Variants in NSUN6 observed in about 807,000 individuals in gnomAD.
The protein encoded by NSUN6 is NOP2/Sun RNA methyltransferase 6.
NSUN6 carries 64 observed loss-of-function variants against 58.0 expected under a neutral mutation model. That is an observed-to-expected ratio of 1.10 (90% confidence interval 0.90 to 1.36). The LOEUF is 1.36. Among genes scored for constraint, NSUN6 ranks in the 40% most tolerant of loss-of-function variants. The pLI is 0.00. For missense variants in NSUN6, 701 were observed against 550.1 expected (o/e 1.27, Z -2.74); for synonymous variants, 231 against 193.9 (o/e 1.19, Z -1.59).
intron 3 of NSUN6, among the ~76,000 whole-genome samples, chr10:18,626,972 C>T (rs942040250): frequency 6.6e-6 from 1 of 152,118 alleles, no homozygotes; most frequent in Non-Finnish European, 1.5e-5. Flanking sequence ...TACAGAAATT[C>T]CTTAAAATTA....
intron 8 of NSUN6, among the ~76,000 whole-genome samples, chr10:18,559,651 T>C (rs1351522295): frequency 6.8e-6 from 1 of 146,208 alleles, no homozygotes; most frequent in Non-Finnish European, 1.5e-5. Flanking sequence ...ATTAAGAATC[T>C]TACGGAGACG....
intron 1 of NSUN6, 120 bp downstream of exon 1, chr10:18,651,009 A>T: frequency 8.8e-7 from 1 of 1,136,160 alleles, no homozygotes. Context: ...TACACTTGAT[A>T]GACAAGTAGT....
intron 7 of NSUN6, among the ~76,000 whole-genome samples, chr10:18,591,686 C>T (rs1469170996): frequency 6.6e-6 from 1 of 152,174 alleles, no homozygotes; most frequent in Non-Finnish European, 1.5e-5. Flanking sequence ...ATGTTAAAAA[C>T]TCTCAATAAA....
At chr10:18,600,941 A>AAAAAATATAT (rs1487679670) in intron 6 of NSUN6, among the ~76,000 whole-genome samples, 1 of 43,530 alleles carries the variant, frequency 2.3e-5, no homozygotes, top group African/African-American at 8.0e-5. Context: ...AAAAAAAAAA[A>AAAAAATATAT]ATATATATAT....
At position 18,616,257 on chromosome 10, in the gene NSUN6, A is replaced by C; in HGVS notation, c.348T>G (p.Val116=). The part of the protein sequence containing the change: ...NIKKQQCEAI[V]GAQCGNAVLR... The stretch of plus-strand genomic sequence containing the variant: ...AAACTGCATTGCCACACTGGGCTCC[A>C]ACAATGGCTTCACACTGTTGTTTTT... The change falls in exon 4 of 11, where the codon GTT becomes GTG. Residue 116 remains valine, a synonymous_variant. Coordinates refer to ENST00000377304, the MANE Select transcript of NSUN6 (RefSeq NM_182543.5). 1 of 1,611,632 alleles carries C rather than the reference A, an allele frequency of 6.2e-7. No individual in the cohort carries two copies. The highest frequency in any genetic ancestry group is 8.5e-7 in the Non-Finnish European group (1 of 1,177,744).
upstream of NSUN6, among the ~76,000 whole-genome samples, chr10:18,655,550 A>C (rs1227676774): frequency 6.6e-6 from 1 of 152,216 alleles, no homozygotes; most frequent in Admixed American, 6.5e-5. Flanking sequence ...AGTGACCTAA[A>C]TTCTGACATG....
At position 18,611,089 on chromosome 10, in the gene NSUN6, G is replaced by A. The variant is rs190073218; in HGVS notation, c.576-1163C>T. Among the ~76,000 whole-genome samples, 307 of 152,082 alleles carry A rather than the reference G, an allele frequency of 2.0e-3. 2 individuals are homozygous for A. The highest frequency in any genetic ancestry group is 7.2e-3 in the African/African-American group (298 of 41,486). On this transcript the variant is annotated intron_variant, in intron 5 of 10. Coordinates refer to ENST00000377304, the MANE Select transcript of NSUN6 (RefSeq NM_182543.5). ...TACCTGTAGTCAGTCCTGGCTACTC[G>A]GGAGACTGAAATGGAGGGATCCCTT...
Position 18,651,261 on chromosome 10 carries a change from T to G in NSUN6, c.-58A>C, listed in dbSNP as rs1032306080. 6.2e-5 allele frequency: 93 copies of G among 1,502,760 alleles called. No homozygotes were observed. The highest frequency in any genetic ancestry group is 2.6e-4 in the South Asian group (20 of 75,490). 93.1% of individuals were successfully genotyped at this position (1,502,760 alleles called of 1,614,324 possible). A position where few individuals can be genotyped will look rare whatever the true frequency, so the allele number is the denominator to read the frequency against. The stretch of plus-strand genomic sequence containing the variant: ...ATGCTGGAAAACGGTGTTTTGTTTT[T>G]TTTTTTCTTTCCGAATTAATAGTGA... On this transcript the variant is annotated 5_prime_UTR_variant, in exon 1 of 11. Coordinates refer to ENST00000377304, the MANE Select transcript of NSUN6 (RefSeq NM_182543.5).
At chr10:18,554,283 G>T (rs767246859) in intron 8 of NSUN6, among the ~76,000 whole-genome samples, 15 of 150,952 alleles carry the variant, frequency 9.9e-5, no homozygotes, top group Admixed American at 7.9e-4. Flanking sequence ...AAAGAAGAAT[G>T]GAATGGAATG....
At chr10:18,597,711 A>G (rs997244470) in intron 6 of NSUN6, among the ~76,000 whole-genome samples, 1 of 152,194 alleles carries the variant, frequency 6.6e-6, no homozygotes, top group African/African-American at 2.4e-5. Context: ...GTTTGCAGTG[A>G]GCAGAGATAG....
Position 18,548,335 on chromosome 10 carries a change from G to A in NSUN6, c.1072-98C>T, listed in dbSNP as rs1472818894. On this transcript the variant is annotated intron_variant, in intron 9 of 10. Transcript: ENST00000377304. ...GGTATAATGTCTTTCAAATGTTTGG[G>A]ATAAATAAAATGATGTTCTATGTGA... 5.6e-6 allele frequency: 6 copies of A among 1,076,282 alleles called. No individual in the cohort carries two copies. In the Admixed American group the frequency reaches 1.6e-4, roughly 28 times the overall value. The allele number at this position is 1,076,282 out of a possible 1,614,324, so 66.7% of individuals were successfully genotyped here. A position where few individuals can be genotyped will look rare whatever the true frequency, so the allele number is the denominator to read the frequency against.
intron 5 of NSUN6, among the ~76,000 whole-genome samples, chr10:18,613,016 T>A (rs141600343): frequency 6.6e-6 from 1 of 152,238 alleles, no homozygotes; most frequent in Non-Finnish European, 1.5e-5. Context: ...ACATGTAGCA[T>A]TTCTGTTATA....
At chr10:18,596,419 C>G (rs949017585) in intron 6 of NSUN6, 92 bp from the exon 7 acceptor site, 6 of 774,824 alleles carry the variant, frequency 7.7e-6, no homozygotes, top group Non-Finnish European at 1.3e-5. Context: ...TGGGGGTAAT[C>G]CACTACAGCA....
chr10:18,628,471 A>C (rs1369110028), intron 3 of NSUN6, among the ~76,000 whole-genome samples: 8 of 152,322 alleles, frequency 5.3e-5, no homozygotes, highest in Admixed American at 3.9e-4. Flanking sequence ...TACGGGAGGA[A>C]ATTCAAACCA....
At chr10:18,562,213 G>A (rs1421872987) in intron 8 of NSUN6, among the ~76,000 whole-genome samples, 1 of 149,896 alleles carries the variant, frequency 6.7e-6, no homozygotes, top group Non-Finnish European at 1.5e-5. Flanking sequence ...AGAATAGAAT[G>A]CAATAGAATG....
chr10:18,587,406 G>T (rs1259720574), intron 7 of NSUN6, among the ~76,000 whole-genome samples: 1 of 152,032 alleles, frequency 6.6e-6, no homozygotes, highest in African/African-American at 2.4e-5. Flanking sequence ...AAAATATTTT[G>T]GTATGGTATA....
In NSUN6 at chr10:18,551,926, T is replaced by C; in HGVS notation, c.968A>G (p.Asp323Gly). The stretch of plus-strand genomic sequence containing the variant: ...CTGTCCCATTCCACTACAGGGTGCA[T>C]CCAGAAGAATTCGGTCAAAGGATTC... ...LPESFDRILL[D>G]APCSGMGQRP... The change falls in exon 9 of 11, where the codon GAT (aspartate) becomes GGT (glycine). Residue 323 changes from aspartate (D) to glycine (G), a missense_variant. Transcript: ENST00000377304. The C allele has an allele frequency of 6.2e-7, 1 of 1,610,126 alleles. No homozygotes were observed. Among genetic ancestry groups the C allele is most frequent in the Non-Finnish European group, 8.5e-7 (1 of 1,176,742 alleles).
At position 18,600,939 on chromosome 10, in the gene NSUN6, A is replaced by T. The variant is rs201402860; in HGVS notation, c.658-4612T>A. 7.6e-3 allele frequency among the ~76,000 whole-genome samples: 241 copies of T among 31,582 alleles called. 7 individuals are homozygous for T. Among genetic ancestry groups the T allele is most frequent in the African/African-American group, 0.02 (207 of 10,204 alleles). The allele number at this position is 31,582 out of a possible 152,430, so 20.7% of individuals were successfully genotyped here. A position where few individuals can be genotyped will look rare whatever the true frequency, so the allele number is the denominator to read the frequency against. On this transcript the variant is annotated intron_variant, in intron 6 of 10. Coordinates refer to ENST00000377304, the MANE Select transcript of NSUN6 (RefSeq NM_182543.5). ...CAAGACTCCATCTCAAAAAAAAAAA[A>T]AAATATATATATATATATATACATA...
intron 3 of NSUN6, among the ~76,000 whole-genome samples, chr10:18,622,890 G>C (rs945186013): frequency 2.6e-5 from 4 of 152,208 alleles, no homozygotes; most frequent in African/African-American, 9.6e-5. Context: ...CATTAATTGA[G>C]AGAATACAGA....
Sources: gnomAD v4.1 joint callset for allele counts (sites outside exome capture counted in the v4.1 genomes callset) on GRCh38, gnomAD v4.1.1 for gene constraint, MANE v1.5 for transcripts, NCBI Gene and HGNC (gene_info 2026-07-23, HGNC 2026-07-21) for gene names.